PCDHGA10: variants seen among roughly 807,000 people sequenced by gnomAD.
The protein encoded by PCDHGA10 is protocadherin gamma-A10.
In PCDHGA10, 42 loss-of-function variants were observed where a neutral mutation model predicts 59.5. The observed-to-expected ratio is 0.71, with a 90% CI of 0.55 to 0.91. The LOEUF is 0.91. PCDHGA10 is among the 40% of genes least tolerant of loss of function. The pLI is 0.00. For synonymous variants in PCDHGA10, 511 were observed against 517.2 expected (o/e 0.99, Z 0.16); for missense variants, 1,111 against 1,198.2 (o/e 0.93, Z 1.07).
At chr5:141,474,722 C>G (rs1562046141) in intron 1 of PCDHGA10, among the ~76,000 whole-genome samples, 1 of 152,216 alleles carries the variant, frequency 6.6e-6, no homozygotes, top group Non-Finnish European at 1.5e-5. Flanking sequence ...TTCAAAAGGA[C>G]TCTATGCAAT....
chr5:141,423,317 C>T, intron 1 of PCDHGA10: 4 of 1,614,118 alleles, frequency 2.5e-6, no homozygotes, highest in Non-Finnish European at 3.4e-6. Flanking sequence ...TTGGTGGTGG[C>T]GGTGGCCGCA....
At chr5:141,428,616 G>A (rs2097151212) in intron 1 of PCDHGA10, 1 of 207,844 alleles carries the variant, frequency 4.8e-6, no homozygotes, top group Admixed American at 5.3e-5. Flanking sequence ...AGAATAACAA[G>A]ATAAGCTCTA....
chr5:141,422,975 C>T (rs751065595), intron 1 of PCDHGA10: 130 of 1,614,092 alleles, frequency 8.1e-5, no homozygotes, highest in Non-Finnish European at 1.0e-4. Context: ...CCCCGCTCTG[C>T]GGAACCTGGC....
intron 1 of PCDHGA10, among the ~76,000 whole-genome samples, chr5:141,456,703 G>T (rs528071544): frequency 1.3e-5 from 2 of 152,062 alleles, no homozygotes; most frequent in Non-Finnish European, 2.9e-5. Context: ...GGTGGCTCGC[G>T]CCTGTAATCC....
At chr5:141,421,823 G>A in intron 1 of PCDHGA10, 1 of 1,613,802 alleles carries the variant, frequency 6.2e-7, no homozygotes. Flanking sequence ...GTACTGGAGG[G>A]AAGCCTGGAC....
At chr5:141,460,010 G>A (rs376180479) in intron 1 of PCDHGA10, among the ~76,000 whole-genome samples, 1 of 152,126 alleles carries the variant, frequency 6.6e-6, no homozygotes, top group Admixed American at 6.5e-5. Context: ...CCCAGGAGGC[G>A]GAGGTTGCAG....
chr5:141,433,406 TTA>T (rs2097606059), intron 1 of PCDHGA10, among the ~76,000 whole-genome samples: 1 of 149,982 alleles, frequency 6.7e-6, no homozygotes. Flanking sequence ...TATCTATCTA[TTA>T]CTTTCTTGTA....
intron 1 of PCDHGA10, chr5:141,422,335 C>T (rs1196951059): frequency 6.5e-7 from 1 of 1,549,804 alleles, no homozygotes; most frequent in Non-Finnish European, 8.7e-7. Flanking sequence ...GATTGCTCTT[C>T]TAAATGTGCA....
At chr5:141,492,553 G>A (rs1184580300) in intron 1 of PCDHGA10, among the ~76,000 whole-genome samples, 1 of 152,148 alleles carries the variant, frequency 6.6e-6, no homozygotes, top group Non-Finnish European at 1.5e-5. Flanking sequence ...CGGGTCGCCT[G>A]GGGGGCGGCC....
intron 1 of PCDHGA10, among the ~76,000 whole-genome samples, chr5:141,449,840 T>C (rs1367482819): frequency 6.6e-6 from 1 of 151,692 alleles, no homozygotes; most frequent in Non-Finnish European, 1.5e-5. Context: ...TTTTATATAA[T>C]TAAATTTTAA....
intron 1 of PCDHGA10, chr5:141,427,729 A>G (rs1176707357): frequency 8.5e-7 from 1 of 1,170,166 alleles, no homozygotes; most frequent in African/African-American, 1.5e-5. Context: ...CTAGGGCTGA[A>G]TGGCCAAGTC....
At chr5:141,510,906 C>G in intron 3 of PCDHGA10, 41 bp from the exon 4 acceptor site, 1 of 1,613,582 alleles carries the variant, frequency 6.2e-7, no homozygotes, top group Non-Finnish European at 8.5e-7. Context: ...TGTTGAGGAC[C>G]CTAAGTTTAG....
intron 1 of PCDHGA10, chr5:141,423,343 C>T: frequency 6.2e-7 from 1 of 1,614,208 alleles, no homozygotes; most frequent in South Asian, 1.1e-5. Flanking sequence ...CTGCATCTTC[C>T]TGGTCTTTGT....
chr5:141,473,079 A>G (rs1389177835), intron 1 of PCDHGA10, among the ~76,000 whole-genome samples: 2 of 152,086 alleles, frequency 1.3e-5, no homozygotes, highest in African/African-American at 4.8e-5. Flanking sequence ...ATCTTTGTTT[A>G]TTATCCACTG....
chr5:141,490,062 C>A lies in PCDHGA10; in HGVS notation c.2437-4745C>A, dbSNP rs758715682. 6.2e-7 allele frequency: 1 copy of A among 1,614,218 alleles called. No homozygotes were observed. The highest frequency in any genetic ancestry group is 1.1e-5 in the South Asian group (1 of 91,082). ...CCACTGATCCAGACGAGGGCACCAA[C>A]GGCCAACTAGACTATTCTTTTGGAG... On this transcript the variant is annotated intron_variant, in intron 1 of 3. Coordinates refer to ENST00000398610, the MANE Select transcript of PCDHGA10 (RefSeq NM_018913.3). The surrounding 1 kb of genome is among the most constrained non-coding windows in gnomAD (Gnocchi z 5.4).
rs1207647899 is a variant in PCDHGA10, at chr5:141,491,938, C to T, written c.2437-2869C>T. The T allele has an allele frequency of 1.6e-5, 19 of 1,199,190 alleles. No homozygotes were observed. Among genetic ancestry groups the T allele is most frequent in the Non-Finnish European group, 2.1e-5 (18 of 875,372 alleles). 74.3% of individuals were successfully genotyped at this position (1,199,190 alleles called of 1,614,324 possible). ...TGTGGGCGAGGGGAGGTGGGACCGA[C>T]CCCCACCCCTACACTCAAAAAAGGC... is the stretch of plus-strand genomic sequence containing the variant. On this transcript the variant is annotated intron_variant, in intron 1 of 3. Coordinates refer to ENST00000398610, the MANE Select transcript of PCDHGA10 (RefSeq NM_018913.3). This position sits in a 1 kb window ranked among gnomAD's most constrained non-coding sequence, Gnocchi z 6.9.
chr5:141,495,080 G>A (rs73794925), intron 2 of PCDHGA10, among the ~76,000 whole-genome samples: 1 of 152,258 alleles, frequency 6.6e-6, no homozygotes, highest in African/African-American at 2.4e-5. Flanking sequence ...TCACATGCTT[G>A]CCCCTTCCCT....
chr5:141,507,504 C>T (rs1443873775), intron 3 of PCDHGA10, among the ~76,000 whole-genome samples: 1 of 152,138 alleles, frequency 6.6e-6, no homozygotes, highest in Admixed American at 6.5e-5. Flanking sequence ...TGTCCCAGGT[C>T]TGGTGGGGCT....
chr5:141,471,790 C>T (rs1465283136), intron 1 of PCDHGA10, among the ~76,000 whole-genome samples: 1 of 152,068 alleles, frequency 6.6e-6, no homozygotes, highest in Non-Finnish European at 1.5e-5. Context: ...TATGCTATGT[C>T]ATATAAAAGA....
Sources: gnomAD v4.1 joint callset for allele counts (sites outside exome capture counted in the v4.1 genomes callset) on GRCh38, gnomAD v4.1.1 for gene constraint, Gnocchi (gnomAD v3.1) non-coding constraint, MANE v1.5 for transcripts, NCBI Gene and HGNC (gene_info 2026-07-23, HGNC 2026-07-21) for gene names.